Variants in MTO1 observed in about 807,000 individuals in gnomAD.
MTO1 encodes mitochondrial tRNA translation optimization 1.
A neutral mutation model predicts 71.6 loss-of-function variants in MTO1; 46 were observed. The ratio of observed to expected loss-of-function variants is 0.64; its 90% confidence interval spans 0.51 to 0.82. The LOEUF is 0.82. MTO1 is among the 40% of genes least tolerant of loss of function. MTO1 has a pLI of 0.00. For missense variants in MTO1, 773 were observed against 867.5 expected, an observed-to-expected ratio of 0.89 and a Z score of 1.37; for synonymous variants, 297 against 312.1, an observed-to-expected ratio of 0.95 and a Z score of 0.51.
At chr6:73,493,349 C>CGTGT (rs1582697921) in intron 10 of MTO1, among the ~76,000 whole-genome samples, 7 of 49,524 alleles carry the variant, frequency 1.4e-4, no homozygotes, top group African/African-American at 4.8e-4. Flanking sequence ...TTGAAATGTG[C>CGTGT]ATGTATGTGT....
At chr6:73,492,392 G>T (rs1342867075) in intron 10 of MTO1, 40 bp downstream of exon 10, 1 of 1,304,842 alleles carries the variant, frequency 7.7e-7, no homozygotes, top group South Asian at 1.2e-5. Flanking sequence ...TTTATCATAT[G>T]TGCAAATTAT....
Position 73,492,437 on chromosome 6 carries a change from A to C in MTO1, c.1756+85A>C, listed in dbSNP as rs73452507. On this transcript the variant is annotated intron_variant, in intron 10 of 11. Transcript: ENST00000498286. ...ACAGATCCATTATTACTGTTGGACC[A>C]GCACAGTGTTAGCTTCTGTGCTTTT... 161,797 of 899,406 alleles carry C rather than the reference A, an allele frequency of 0.18. 15,054 individuals are homozygous for C. Among genetic ancestry groups the C allele is most frequent in the East Asian group, 0.23 (9,128 of 39,388 alleles). 55.7% of individuals were successfully genotyped at this position (899,406 alleles called of 1,614,324 possible). A position where few individuals can be genotyped will look rare whatever the true frequency, so the allele number is the denominator to read the frequency against.
chr6:73,486,853 A>T (rs1239367568), intron 9 of MTO1: 1 of 173,318 alleles, frequency 5.8e-6, no homozygotes, highest in Non-Finnish European at 1.2e-5. Context: ...GCACTTTGGG[A>T]GGCTAAGGTG....
At chr6:73,470,273 C>T (rs891447827) in intron 3 of MTO1, among the ~76,000 whole-genome samples, 6 of 151,820 alleles carry the variant, frequency 4.0e-5, no homozygotes, top group South Asian at 2.1e-4. Context: ...ATGGCGTGAT[C>T]TCGGCTTACT....
intron 3 of MTO1, among the ~76,000 whole-genome samples, chr6:73,470,310 G>A (rs146560565): frequency 0.011 from 1,604 of 151,952 alleles, 25 homozygotes; most frequent in African/African-American, 0.036. Flanking sequence ...AGGTTCAAGC[G>A]ATTCTCCTGC....
intron 3 of MTO1, chr6:73,471,488 C>A (rs183911713): frequency 8.0e-5 from 36 of 450,022 alleles, no homozygotes; most frequent in African/African-American, 7.2e-4. Flanking sequence ...GATCACAGCT[C>A]GCTGTAGCCT....
At chr6:73,493,452 G>A (rs1771886270) in intron 10 of MTO1, among the ~76,000 whole-genome samples, 1 of 150,758 alleles carries the variant, frequency 6.6e-6, no homozygotes, top group African/African-American at 2.4e-5. Context: ...GTGCAATGGT[G>A]CAATCTTGGC....
chr6:73,471,432 T>G (rs1771159021), intron 3 of MTO1: 1 of 451,498 alleles, frequency 2.2e-6, no homozygotes, highest in African/African-American at 2.0e-5. Flanking sequence ...TTTTTATTTT[T>G]GAGACAAGTT....
At chr6:73,470,354 G>A (rs976031273) in intron 3 of MTO1, among the ~76,000 whole-genome samples, 4 of 151,690 alleles carry the variant, frequency 2.6e-5, no homozygotes, top group South Asian at 4.2e-4. Flanking sequence ...CTACAGGCAC[G>A]TGCCACCATG....
At chr6:73,497,371 C>G (rs1322056422) in intron 10 of MTO1, among the ~76,000 whole-genome samples, 4 of 151,890 alleles carry the variant, frequency 2.6e-5, no homozygotes, top group Non-Finnish European at 5.9e-5. Context: ...CCATGCTGGT[C>G]TCGAACTCTT....
chr6:73,474,112 T>A (rs112689039), intron 4 of MTO1, among the ~76,000 whole-genome samples: 30,502 of 150,122 alleles, frequency 0.2, 3,212 homozygotes, highest in African/African-American at 0.26. Context: ...TTTTTTTTTG[T>A]GGTGGAGACT....
intron 9 of MTO1, among the ~76,000 whole-genome samples, chr6:73,482,981 A>G (rs961223534): frequency 1.3e-5 from 2 of 151,372 alleles, no homozygotes; most frequent in Middle Eastern, 6.8e-3. Flanking sequence ...TTTAGTAGAG[A>G]TGGGGTTTCA....
chr6:73,480,656 GTCTTTGT>G lies in MTO1; in HGVS notation c.1130-12_1130-6del. 6.2e-7 allele frequency: 1 copy of G among 1,613,016 alleles called. No individual in the cohort carries two copies. The highest frequency in any genetic ancestry group is 8.5e-7 in the Non-Finnish European group (1 of 1,179,290). ...CCAGCTCTGTATTTACTTATTTAAT[GTCTTTGT>G]TCTTTGGTCAGGCTACGGTGTTCAG... On this transcript the variant is annotated splice_polypyrimidine_tract_variant and intron_variant, in intron 6 of 11. Coordinates refer to ENST00000498286, the MANE Select transcript of MTO1 (RefSeq NM_012123.4).
In MTO1 at chr6:73,508,396, A is replaced by C. The variant is rs1253597224; in HGVS notation, c.*7661A>C. 6.6e-6 allele frequency: 1 copy of C among 152,214 alleles called. No individual in the cohort carries two copies. The highest frequency in any genetic ancestry group is 1.5e-5 in the Non-Finnish European group (1 of 68,038). 9.4% of individuals were successfully genotyped at this position (152,214 alleles called of 1,614,324 possible). ...ATCCTTTTAAAACATGGGCAATCCA[A>C]ATTTATAACAGTAAATTAAGATACA... On this transcript the variant is annotated 3_prime_UTR_variant, in exon 12 of 12. Transcript: ENST00000498286.
intron 3 of MTO1, among the ~76,000 whole-genome samples, chr6:73,469,902 G>A (rs1771100532): frequency 6.6e-6 from 1 of 152,046 alleles, no homozygotes; most frequent in East Asian, 1.9e-4. Context: ...CCACTCGGGA[G>A]GCTGAGGCAG....
chr6:73,498,533 C>T (rs747713886), intron 11 of MTO1, among the ~76,000 whole-genome samples: 103 of 151,430 alleles, frequency 6.8e-4, no homozygotes, highest in African/African-American at 1.7e-3. Context: ...AGAGGGGAGC[C>T]AAAAAATGCC....
At chr6:73,462,397 C>T (rs1770851254) in intron 1 of MTO1, 3 of 391,346 alleles carry the variant, frequency 7.7e-6, no homozygotes, top group Admixed American at 4.1e-5. Flanking sequence ...TTACCTTCTA[C>T]TATGTTACTC....
chr6:73,482,092 T>A lies in MTO1; in HGVS notation c.1313T>A (p.Phe438Tyr). Residue 438 changes from phenylalanine (F) to tyrosine (Y), a missense_variant, in exon 8 of 12, where the codon TTT (phenylalanine) becomes TAT (tyrosine). By Grantham distance (22) the Phe-to-Tyr change is conservative. Transcript: ENST00000498286. ...CTTCGGGTCAGTCGCAAGCCTCCCT[T>A]TGTGGTTAGCCGAACAGAAGGTTAC... Reference protein sequence around the residue: ...ASLRVSRKPPFVVSRTEGYIG... With the variant: ...ASLRVSRKPPYVVSRTEGYIG... 1 of 1,614,162 alleles carries A rather than the reference T, an allele frequency of 6.2e-7. No individual in the cohort carries two copies. Among genetic ancestry groups the A allele is most frequent in the Non-Finnish European group, 8.5e-7 (1 of 1,180,034 alleles).
chr6:73,491,358 G>A (rs572871330), intron 9 of MTO1, among the ~76,000 whole-genome samples: 28 of 145,468 alleles, frequency 1.9e-4, no homozygotes, highest in Non-Finnish European at 3.0e-4. Flanking sequence ...GCCGAGGTAC[G>A]CAGATCACCT....
Sources: gnomAD v4.1 joint callset for allele counts (sites outside exome capture counted in the v4.1 genomes callset) on GRCh38, gnomAD v4.1.1 for gene constraint, MANE v1.5 for transcripts, NCBI Gene and HGNC (gene_info 2026-07-23, HGNC 2026-07-21) for gene names.